VPS13C: variants seen among roughly 807,000 people sequenced by gnomAD.
VPS13C encodes vacuolar protein sorting 13 homolog C.
A neutral mutation model predicts 456.8 loss-of-function variants in VPS13C; 358 were observed. That is an observed-to-expected ratio of 0.78 (90% CI 0.72 to 0.86). VPS13C has a LOEUF of 0.86. Ranked by LOEUF, VPS13C falls within the 40% of genes least tolerant of loss-of-function variation. The pLI, the probability that VPS13C is intolerant of heterozygous loss-of-function variation, is 0.00. For synonymous variants in VPS13C, 1,578 were observed against 1,486.7 expected (o/e 1.06, Z -1.41); for missense variants, 4,818 against 4,385.4 (o/e 1.10, Z -2.79).
chr15:62,010,395 A>G (rs2046999022), intron 13 of VPS13C, 77 bp downstream of exon 13: 3 of 1,376,444 alleles, frequency 2.2e-6, no homozygotes, highest in South Asian at 4.2e-5. Context: ...ACCAACCACT[A>G]GAGAAGTAAT....
chr15:61,923,433 C>T (rs1170612356), intron 53 of VPS13C, among the ~76,000 whole-genome samples: 1 of 152,264 alleles, frequency 6.6e-6, no homozygotes, highest in East Asian at 1.9e-4. Flanking sequence ...ACACTCCACA[C>T]TGCCACCAGC....
rs145557804 is a variant in VPS13C at position 62,015,043 on chromosome 15, G to A, written c.685-1051C>T. ...GGAAACTACCCATTCTTATGCAATA[G>A]TATACCTGTTATCAGACAATAGGAG... is the stretch of plus-strand genomic sequence containing the variant. On this transcript the variant is annotated intron_variant, in intron 9 of 84. Coordinates refer to ENST00000644861, the MANE Select transcript of VPS13C (RefSeq NM_020821.3). Among the ~76,000 whole-genome samples the A allele has an allele frequency of 6.5e-3, 987 of 152,216 alleles. 10 individuals are homozygous for A. The highest frequency in any genetic ancestry group is 0.045 in the South Asian group (216 of 4,824).
At chr15:61,910,936 TA>T (rs1275432506) in intron 63 of VPS13C, among the ~76,000 whole-genome samples, 2 of 151,296 alleles carry the variant, frequency 1.3e-5, no homozygotes, top group Admixed American at 6.6e-5. Context: ...ACACAAAGAT[TA>T]AAAAAAAATA....
intron 16 of VPS13C, among the ~76,000 whole-genome samples, chr15:61,994,424 G>C (rs567944887): frequency 6.6e-6 from 1 of 152,076 alleles, no homozygotes; most frequent in Non-Finnish European, 1.5e-5. Context: ...CATACTTTCT[G>C]ACCTAATAAC....
In VPS13C at chr15:61,878,541, G is replaced by C; in HGVS notation, c.10142+66C>G. ...TAAGCTAACATTGCACAAGTGGAGA[G>C]AATTAATGTCTAGAAACATGACCTT... On this transcript the variant is annotated intron_variant, in intron 74 of 84. Coordinates refer to ENST00000644861, the MANE Select transcript of VPS13C (RefSeq NM_020821.3). 8 of 1,566,012 alleles carry C rather than the reference G, an allele frequency of 5.1e-6. No individual in the cohort carries two copies. In the South Asian group the frequency reaches 9.6e-5, roughly 19 times the overall value.
chr15:61,881,663 AT>A lies in VPS13C; in HGVS notation c.9707-32del, dbSNP rs1381936661. On this transcript the variant is annotated intron_variant, in intron 70 of 84. Coordinates refer to ENST00000644861, the MANE Select transcript of VPS13C (RefSeq NM_020821.3). ...AGGAAGAAGTAACACATAAAAAAAA[AT>A]AATGCTTTATACTAGGTTAAACTAA... 6 of 1,605,964 alleles carry A rather than the reference AT, an allele frequency of 3.7e-6. No individual in the cohort carries two copies. The East Asian group carries it at 8.9e-5, about 24-fold the overall frequency.
intron 66 of VPS13C, among the ~76,000 whole-genome samples, chr15:61,895,080 TA>T (rs2042766953): frequency 6.6e-6 from 1 of 152,106 alleles, no homozygotes; most frequent in Admixed American, 6.5e-5. Flanking sequence ...TTGTAAAGTA[TA>T]AAAACACAGA....
At chr15:61,959,933 G>A (rs1463549227) in intron 35 of VPS13C, among the ~76,000 whole-genome samples, 1 of 152,146 alleles carries the variant, frequency 6.6e-6, no homozygotes, top group Admixed American at 6.5e-5. Flanking sequence ...TTGGTGCAGA[G>A]ACTGAAGAAA....
At chr15:61,931,984 T>C (rs766787742) in intron 49 of VPS13C, among the ~76,000 whole-genome samples, 5 of 152,178 alleles carry the variant, frequency 3.3e-5, no homozygotes, top group African/African-American at 4.8e-5. Context: ...AATGAGCATA[T>C]ACCCTAATTC....
intron 1 of VPS13C, among the ~76,000 whole-genome samples, chr15:62,055,866 G>T (rs143387492): frequency 6.6e-6 from 1 of 152,240 alleles, no homozygotes; most frequent in African/African-American, 2.4e-5. Flanking sequence ...TCTTAGACTA[G>T]GGTTTCTCAA....
At chr15:61,983,770 C>A in intron 20 of VPS13C, 50 bp downstream of exon 20, 1 of 1,559,410 alleles carries the variant, frequency 6.4e-7, no homozygotes, top group South Asian at 1.2e-5. Flanking sequence ...AACAGTATGT[C>A]AGAAGCATAA....
At chr15:61,931,280 A>T in intron 49 of VPS13C, 21 bp from the exon 50 acceptor site, 3 of 1,596,350 alleles carry the variant, frequency 1.9e-6, no homozygotes, top group Non-Finnish European at 2.6e-6. Context: ...TTTTTCAAGC[A>T]AAAGAATCAA....
intron 15 of VPS13C, 120 bp from the exon 16 acceptor site, chr15:62,000,746 T>A (rs953834165): frequency 4.3e-6 from 3 of 691,836 alleles, no homozygotes; most frequent in Non-Finnish European, 6.7e-6. Context: ...AATGAAAGTA[T>A]TAGTATAAAT....
At chr15:62,023,694 A>T in intron 7 of VPS13C, 86 bp downstream of exon 7, 1 of 1,338,512 alleles carries the variant, frequency 7.5e-7, no homozygotes. Flanking sequence ...TTATACTGTT[A>T]TCTGACATTC....
chr15:61,946,556 A>T, intron 43 of VPS13C, 146 bp from the exon 44 acceptor site: 1 of 443,858 alleles, frequency 2.3e-6, no homozygotes, highest in Non-Finnish European at 4.0e-6. Context: ...ACTTTCATGT[A>T]TGAGATACCT....
chr15:61,982,584 A>T lies in VPS13C; in HGVS notation c.1915-11T>A, dbSNP rs775177973. On this transcript the variant is annotated splice_polypyrimidine_tract_variant and intron_variant, in intron 20 of 84. Coordinates refer to ENST00000644861, the MANE Select transcript of VPS13C (RefSeq NM_020821.3). ...TGCATTGACAGTTTTCTATAAGAAA[A>T]TTTTTTTAACATAACCAAGTTACAC... 6.3e-6 allele frequency: 10 copies of T among 1,588,674 alleles called. No individual in the cohort carries two copies. Among genetic ancestry groups the T allele is most frequent in the South Asian group, 4.6e-5 (4 of 86,028 alleles).
chr15:61,927,136 G>C lies in VPS13C; in HGVS notation c.6471C>G (p.Leu2157=). 1 of 1,614,132 alleles carries C rather than the reference G, an allele frequency of 6.2e-7. No homozygotes were observed. Among genetic ancestry groups the C allele is most frequent in the Non-Finnish European group, 8.5e-7 (1 of 1,180,022 alleles). The change falls in exon 52 of 85, where the codon CTC becomes CTG. Residue 2157 remains leucine, a synonymous_variant. Coordinates refer to ENST00000644861, the MANE Select transcript of VPS13C (RefSeq NM_020821.3). ...TCTTTTCTCTGAGAAAAGGGCAAGC[G>C]AGCACTTTCAGATCTCTCACAGAAG... ...MEASVRDLKV[L]ACPFLREKRG...
rs572597703 is a variant in VPS13C at position 61,915,663 on chromosome 15, G to A, written c.8415C>T (p.Phe2805=). The A allele has an allele frequency of 1.2e-6, 2 of 1,600,306 alleles. No homozygotes were observed. The highest frequency in any genetic ancestry group is 1.7e-4 in the Middle Eastern group (1 of 5,946). ...TTTTAGTAAAAATGTTCTTCTTCTTGAAAGAAAATAAAATAATATCCCTGA... is the reference window on the plus strand; with the variant it reads ...TTTTAGTAAAAATGTTCTTCTTCTTAAAAGAAAATAAAATAATATCCCTGA... ...ADFRDIILFS[F]KKKNIFTKNK... Residue 2805 remains phenylalanine (F), a synonymous_variant, in exon 61 of 85, where the codon TTC becomes TTT. Coordinates refer to ENST00000644861, the MANE Select transcript of VPS13C (RefSeq NM_020821.3).
intron 22 of VPS13C, among the ~76,000 whole-genome samples, chr15:61,980,103 G>C (rs112488980): frequency 3.0e-4 from 40 of 134,684 alleles, no homozygotes; most frequent in African/African-American, 1.1e-3. Context: ...AAAATCACTT[G>C]AACCCAGGAG....
Sources: gnomAD v4.1 joint callset for allele counts (sites outside exome capture counted in the v4.1 genomes callset) on GRCh38, gnomAD v4.1.1 for gene constraint, MANE v1.5 for transcripts, NCBI Gene and HGNC (gene_info 2026-07-23, HGNC 2026-07-21) for gene names.